TTC39B: variants seen among roughly 807,000 people sequenced by gnomAD.
TTC39B encodes the protein tetratricopeptide repeat domain 39B, also known as tetratricopeptide repeat protein 39B.
In TTC39B, 92 loss-of-function variants were observed where a neutral mutation model predicts 96.6. The observed-to-expected ratio is 0.95, with a 90% CI of 0.80 to 1.13. The LOEUF (loss-of-function observed/expected upper bound fraction) is 1.13. Among genes scored for constraint, TTC39B ranks in the 50% most tolerant of loss-of-function variants. The pLI, the probability that TTC39B is intolerant of heterozygous loss-of-function variation, is 0.00. For synonymous variants in TTC39B, 367 were observed against 299.4 expected, an observed-to-expected ratio of 1.23 and a Z score of -2.33; for missense variants, 955 against 809.3, an observed-to-expected ratio of 1.18 and a Z score of -2.18.
chr9:15,177,512 G>T (rs184540218), intron 18 of TTC39B, among the ~76,000 whole-genome samples, 185 bp downstream of exon 18: 164 of 152,252 alleles, frequency 1.1e-3, no homozygotes, highest in African/African-American at 3.6e-3. Flanking sequence ...ATAAAGTCAT[G>T]TTCCACCCAG....
chr9:15,257,706 C>T (rs1453792488), intron 2 of TTC39B, among the ~76,000 whole-genome samples: 1 of 151,840 alleles, frequency 6.6e-6, no homozygotes, highest in African/African-American at 2.4e-5. Flanking sequence ...TTTTGGCCTC[C>T]CAAAGTGCTG....
chr9:15,214,337 T>C (rs1052467873), intron 3 of TTC39B, 88 bp from the exon 4 acceptor site: 3 of 816,690 alleles, frequency 3.7e-6, no homozygotes, highest in Non-Finnish European at 6.0e-6. Context: ...TGTGTGTGTG[T>C]GTGTGTGTGT....
At chr9:15,200,672 T>C (rs2131305584) in intron 7 of TTC39B, among the ~76,000 whole-genome samples, 1 of 152,310 alleles carries the variant, frequency 6.6e-6, no homozygotes, top group East Asian at 1.9e-4. Flanking sequence ...GTTTTGCATA[T>C]CCAGAGAGAA....
intron 14 of TTC39B, among the ~76,000 whole-genome samples, chr9:15,187,741 T>C (rs1481810872): frequency 6.6e-6 from 1 of 152,262 alleles, no homozygotes; most frequent in Admixed American, 6.5e-5. Context: ...ATTACAGGCA[T>C]GGGCCATCGC....
At chr9:15,201,465 G>C (rs992928161) in intron 7 of TTC39B, among the ~76,000 whole-genome samples, 1 of 152,136 alleles carries the variant, frequency 6.6e-6, no homozygotes, top group Admixed American at 6.6e-5. Context: ...GCATGGAAAG[G>C]GCCAGACATG....
intron 16 of TTC39B, chr9:15,183,579 C>T: frequency 3.6e-6 from 1 of 277,566 alleles, no homozygotes; most frequent in Non-Finnish European, 7.1e-6. Context: ...TGGTTCTTAA[C>T]AGTCAAAGCA....
At chr9:15,239,477 A>C (rs1821941569) in intron 2 of TTC39B, among the ~76,000 whole-genome samples, 1 of 152,228 alleles carries the variant, frequency 6.6e-6, no homozygotes, top group African/African-American at 2.4e-5. Flanking sequence ...TATGTTTATC[A>C]CAGTACTATT....
In TTC39B at chr9:15,185,571, G is replaced by A. The variant is rs895247475; in HGVS notation, c.1488-165C>T. ...TTTCAGGCCCTACTCTAGACCTACT[G>A]AATCAGCAACTCCAGGGCCGGGGCC... On this transcript the variant is annotated intron_variant, in intron 15 of 19. Coordinates refer to ENST00000512701, the Ensembl canonical transcript of TTC39B. 3 of 1,043,904 alleles carry A rather than the reference G, an allele frequency of 2.9e-6. No homozygotes were observed. In the Admixed American group the frequency reaches 9.1e-5, roughly 32 times the overall value. The allele number at this position is 1,043,904 out of a possible 1,614,324, so 64.7% of individuals were successfully genotyped here.
intron 1 of TTC39B, among the ~76,000 whole-genome samples, chr9:15,280,805 TAGG>T (rs1393161879): frequency 2.6e-5 from 4 of 152,088 alleles, no homozygotes; most frequent in Non-Finnish European, 4.4e-5. Flanking sequence ...ATTCCAAAAG[TAGG>T]AGGAGTAAAG....
intron 2 of TTC39B, among the ~76,000 whole-genome samples, chr9:15,256,739 G>T (rs1289026604): frequency 1.3e-5 from 2 of 152,158 alleles, no homozygotes; most frequent in Non-Finnish European, 2.9e-5. Flanking sequence ...AAGAGTGAGG[G>T]CAAACACGCT....
chr9:15,215,428 A>G (rs1820458151), intron 3 of TTC39B, among the ~76,000 whole-genome samples: 1 of 150,446 alleles, frequency 6.6e-6, no homozygotes, highest in Non-Finnish European at 1.5e-5. Flanking sequence ...GTGGTGGCAC[A>G]TGCCTGTAAT....
At chr9:15,299,899 G>A (rs1824523136) in intron 1 of TTC39B, among the ~76,000 whole-genome samples, 1 of 152,156 alleles carries the variant, frequency 6.6e-6, no homozygotes, top group African/African-American at 2.4e-5. Context: ...CAGACTTGAA[G>A]GGAAGGAAGT....
chr9:15,217,597 C>G (rs534724493), intron 3 of TTC39B, among the ~76,000 whole-genome samples: 2 of 152,128 alleles, frequency 1.3e-5, no homozygotes, highest in African/African-American at 4.8e-5. Flanking sequence ...AAGTATCTCT[C>G]GGACACACGT....
intron 2 of TTC39B, among the ~76,000 whole-genome samples, chr9:15,260,439 T>C (rs1475759986): frequency 2.0e-5 from 3 of 149,704 alleles, no homozygotes; most frequent in African/African-American, 5.0e-5. Context: ...CAGGGGAAAA[T>C]TGGGGCCAAA....
At chr9:15,206,641 T>C (rs1819872040) in intron 6 of TTC39B, among the ~76,000 whole-genome samples, 1 of 152,190 alleles carries the variant, frequency 6.6e-6, no homozygotes, top group African/African-American at 2.4e-5. Context: ...TGAAATAATG[T>C]TAGCTAAGCT....
At chr9:15,173,706 C>T (rs914801574) in intron 19 of TTC39B, among the ~76,000 whole-genome samples, 2 of 152,140 alleles carry the variant, frequency 1.3e-5, no homozygotes, top group Non-Finnish European at 2.9e-5. Context: ...CTTCATCACA[C>T]GCCATTGCTT....
intron 4 of TTC39B, among the ~76,000 whole-genome samples, chr9:15,213,744 C>G (rs1218421731): frequency 6.6e-6 from 1 of 152,148 alleles, no homozygotes; most frequent in Non-Finnish European, 1.5e-5. Flanking sequence ...GTCTTCTTAT[C>G]TTAAATTTCT....
intron 7 of TTC39B, among the ~76,000 whole-genome samples, chr9:15,200,127 A>G (rs1819448131): frequency 6.6e-6 from 1 of 152,220 alleles, no homozygotes; most frequent in African/African-American, 2.4e-5. Flanking sequence ...TTAGAGGACA[A>G]CAAAAAGAAA....
chr9:15,210,697 A>T (rs1820145681), intron 5 of TTC39B, among the ~76,000 whole-genome samples: 1 of 152,166 alleles, frequency 6.6e-6, no homozygotes, highest in South Asian at 2.1e-4. Context: ...CCATTCCTGG[A>T]TTCTTGAATA....
Sources: allele counts gnomAD v4.1 joint callset (sites outside exome capture counted in the v4.1 genomes callset), GRCh38; gene constraint gnomAD v4.1.1; transcripts MANE v1.5; gene names NCBI Gene and HGNC (gene_info 2026-07-23, HGNC 2026-07-21).